BAG3: variants seen among roughly 807,000 people sequenced by gnomAD.
The protein encoded by BAG3 is BAG cochaperone 3, also known as BAG family molecular chaperone regulator 3.
In BAG3, 14 loss-of-function variants were observed where a neutral mutation model predicts 40.5. That is an observed-to-expected ratio of 0.35 (90% CI 0.23 to 0.54). The LOEUF is 0.54. Among genes scored for constraint, BAG3 ranks in the 20% least tolerant of loss-of-function variants. The pLI, the probability that BAG3 is intolerant of heterozygous loss-of-function variation, is 0.91. For synonymous variants in BAG3, 302 were observed against 307.8 expected, an observed-to-expected ratio of 0.98 and a Z score of 0.20; for missense variants, 788 against 758.6, an observed-to-expected ratio of 1.04 and a Z score of -0.46.
Position 119,651,845 on chromosome 10 carries a change from A to G in BAG3, c.170A>G (p.Glu57Gly). ...TGGAACGACCCGCGCGTGCCCTCTG[A>G]GGGCCCCAAGGTGAGCCGGGCCCGC... is the stretch of plus-strand genomic sequence containing the variant. ...TTWNDPRVPS[E>G]GPKETPSSAN... The change falls in exon 1 of 4, where the codon GAG (glutamate) becomes GGG (glycine). Residue 57 changes from glutamate to glycine, a missense_variant. Physicochemically the swap from Glu to Gly is moderately conservative, Grantham distance 98. Transcript: ENST00000369085. 1.9e-6 allele frequency: 3 copies of G among 1,572,100 alleles called. No homozygotes were observed. Among genetic ancestry groups the G allele is most frequent in the Non-Finnish European group, 2.6e-6 (3 of 1,160,444 alleles).
rs995815991 is a variant in BAG3 at position 119,672,927 on chromosome 10, A to C, written c.909+271A>C. On this transcript the variant is annotated intron_variant, in intron 3 of 3. Coordinates refer to ENST00000369085, the MANE Select transcript of BAG3 (RefSeq NM_004281.4). The surrounding 1 kb of genome is among the most constrained non-coding windows in gnomAD (Gnocchi z 4.8). ...CAGACGAAACAGCTTGGCAGAACTT[A>C]CATACCTGGGACCAGCTTCCTTAGT... is the stretch of plus-strand genomic sequence containing the variant. Among the ~76,000 whole-genome samples, 8 of 152,114 alleles carry C rather than the reference A, an allele frequency of 5.3e-5. No homozygotes were observed. Among genetic ancestry groups the C allele is most frequent in the Non-Finnish European group, 1.2e-4 (8 of 68,008 alleles).
chr10:119,670,048 G>A lies in BAG3; in HGVS notation c.378G>A (p.Ala126=), dbSNP rs753235577. ...QPGMQRFRTE[A]AAAAPQRSQS... is the part of the protein sequence containing the mutation. ...GGATGCAGCGATTCCGAACTGAGGC[G>A]GCAGCAGCGGCTCCTCAGAGGTCCC... The change falls in exon 2 of 4, where the codon GCG becomes GCA. Residue 126 remains alanine (A), a synonymous_variant. Transcript: ENST00000369085. The A allele has an allele frequency of 3.0e-5, 49 of 1,614,084 alleles. No homozygotes were observed. Among genetic ancestry groups the A allele is most frequent in the Middle Eastern group, 1.6e-4 (1 of 6,084 alleles).
At chr10:119,662,053 T>A (rs1264055024) in intron 1 of BAG3, among the ~76,000 whole-genome samples, 14 of 152,012 alleles carry the variant, frequency 9.2e-5, no homozygotes, top group African/African-American at 3.4e-4. Flanking sequence ...TTTTTTGTTT[T>A]GGTTGTTGTT....
In BAG3 at chr10:119,669,920, C is replaced by T. The variant is rs756864793; in HGVS notation, c.250C>T (p.Pro84Ser). ...GCTGCCGCCTGCTAGGGAAGGCCACCCTGTGTACCCCCAGCTCCGACCAGG... is the reference window on the plus strand; with the variant it reads ...GCTGCCGCCTGCTAGGGAAGGCCACTCTGTGTACCCCCAGCTCCGACCAGG... ...SRLPPAREGH[P>S]VYPQLRPGYI... The change falls in exon 2 of 4, where the codon CCT (proline) becomes TCT (serine). Residue 84 changes from proline (P) to serine (S), a missense_variant. Coordinates refer to ENST00000369085, the MANE Select transcript of BAG3 (RefSeq NM_004281.4). 6.2e-7 allele frequency: 1 copy of T among 1,614,250 alleles called. No individual in the cohort carries two copies. Among genetic ancestry groups the T allele is most frequent in the Non-Finnish European group, 8.5e-7 (1 of 1,180,046 alleles).
At chr10:119,669,742 C>G in intron 1 of BAG3, 109 bp from the exon 2 acceptor site, 1 of 1,171,024 alleles carries the variant, frequency 8.5e-7, no homozygotes, top group Non-Finnish European at 1.3e-6. Flanking sequence ...GCTTTGAGGC[C>G]CAAGTCACTC....
Position 119,677,684 on chromosome 10 carries a change from TTTC to T in BAG3, c.*406_*408del. The stretch of plus-strand genomic sequence containing the variant: ...AATGTTGCCATTTTAATGAGATGAT[TTTC>T]TTCATCTCATAATTAAAATACCTGA... On this transcript the variant is annotated 3_prime_UTR_variant, in exon 4 of 4. Transcript: ENST00000369085. 1 of 243,956 alleles carries T rather than the reference TTTC, an allele frequency of 4.1e-6. No homozygotes were observed. Among genetic ancestry groups the T allele is most frequent in the East Asian group, 9.1e-5 (1 of 10,946 alleles). 15.1% of individuals were successfully genotyped at this position (243,956 alleles called of 1,614,324 possible).
chr10:119,662,564 C>A lies in BAG3; in HGVS notation c.181-7287C>A, dbSNP rs564065985. Among the ~76,000 whole-genome samples the A allele has an allele frequency of 5.3e-5, 8 of 152,152 alleles. No individual in the cohort carries two copies. The South Asian group carries it at 1.7e-3, about 32-fold the overall frequency. Reference sequence around the variant, plus strand: ...GTGAAGGCTCTTCTGGCCTAAAAACCCAGTTAATACAGTCTGTGTCCTACT... The same window carrying A: ...GTGAAGGCTCTTCTGGCCTAAAAACACAGTTAATACAGTCTGTGTCCTACT... On this transcript the variant is annotated intron_variant, in intron 1 of 3. Transcript: ENST00000369085.
chr10:119,668,659 G>T (rs7896048), intron 1 of BAG3, among the ~76,000 whole-genome samples: 3,055 of 152,278 alleles, frequency 0.02, 111 homozygotes, highest in African/African-American at 0.068. Context: ...GGTACATCTG[G>T]AACTTGGCCT....
intron 1 of BAG3, among the ~76,000 whole-genome samples, chr10:119,658,843 G>A (rs1846952928): frequency 6.6e-6 from 1 of 152,150 alleles, no homozygotes; most frequent in Non-Finnish European, 1.5e-5. Context: ...TGTGGGAGGC[G>A]AACGTCCCAA....
intron 1 of BAG3, among the ~76,000 whole-genome samples, chr10:119,653,165 C>T (rs1158416089): frequency 6.6e-6 from 1 of 152,216 alleles, no homozygotes; most frequent in Non-Finnish European, 1.5e-5. Context: ...AGACCGTGTA[C>T]AGGCAGCAGT....
At chr10:119,674,867 C>T (rs966476312) in intron 3 of BAG3, among the ~76,000 whole-genome samples, 2 of 151,796 alleles carry the variant, frequency 1.3e-5, no homozygotes, top group Non-Finnish European at 2.9e-5. Context: ...CCCAGCTACT[C>T]GGGAGGCTGG....
intron 3 of BAG3, among the ~76,000 whole-genome samples, chr10:119,675,097 C>T (rs1024675513): frequency 2.0e-5 from 3 of 152,104 alleles, no homozygotes; most frequent in Non-Finnish European, 2.9e-5. Flanking sequence ...TTTGGGAGGC[C>T]GAGGTGGGCA....
chr10:119,673,993 G>A (rs1202099896), intron 3 of BAG3, among the ~76,000 whole-genome samples: 1 of 152,158 alleles, frequency 6.6e-6, no homozygotes, highest in East Asian at 1.9e-4. Context: ...TTATTATCCA[G>A]TACATTTTTG....
chr10:119,656,030 A>G (rs917204216), intron 1 of BAG3, among the ~76,000 whole-genome samples: 3 of 152,196 alleles, frequency 2.0e-5, no homozygotes, highest in South Asian at 2.1e-4. Flanking sequence ...GTCACCTTAT[A>G]TAAACCACTC....
chr10:119,675,816 GCTTCCTTCCCCCTTCCCCCT>G (rs2134067703), intron 3 of BAG3, among the ~76,000 whole-genome samples: 1 of 28,416 alleles, frequency 3.5e-5, no homozygotes, highest in Non-Finnish European at 6.5e-5. Context: ...CCCCTTCCCT[GCTTCCTTCCCCCTTCCCCCT>G]TCCCTCCTTC....
rs138078305 is a variant in BAG3, at chr10:119,672,392, C to A, written c.645C>A (p.Asn215Lys). ...YISIPVIHEQNVTRPAAQPSF... is the reference protein window; with the variant it reads ...YISIPVIHEQKVTRPAAQPSF... ...CCATTCCGGTGATACACGAGCAGAA[C>A]GTTACCCGGCCAGCAGCCCAGCCCT... The change falls in exon 3 of 4, where the codon AAC becomes AAA. Residue 215 changes from asparagine (N) to lysine (K), a missense_variant. Asn to Lys is a moderately conservative substitution (Grantham distance 94, BLOSUM62 0). Transcript: ENST00000369085. This position sits in a 1 kb window ranked among gnomAD's most constrained non-coding sequence, Gnocchi z 4.8. 4.3e-6 allele frequency: 7 copies of A among 1,614,154 alleles called. No homozygotes were observed. The South Asian group carries it at 7.7e-5, about 18-fold the overall frequency.
rs933568303 is a variant in BAG3 at position 119,677,009 on chromosome 10, G to A, written c.1455G>A (p.Arg485=). The A allele has an allele frequency of 6.2e-7, 1 of 1,614,190 alleles. No homozygotes were observed. Among genetic ancestry groups the A allele is most frequent in the Non-Finnish European group, 8.5e-7 (1 of 1,180,026 alleles). The change falls in exon 4 of 4, where the codon AGG becomes AGA. Residue 485 remains arginine (R), a synonymous_variant. Transcript: ENST00000369085. ...DVRQARRDGV[R]KVQTILEKLE... ...GTCAGGCCAGGAGAGACGGTGTCAG[G>A]AAGGTTCAGACCATCTTGGAAAAAC...
chr10:119,651,866 C>T lies in BAG3; in HGVS notation c.180+11C>T. ...TCTGAGGGCCCCAAGGTGAGCCGGGCCCGCGGCCCGCCCTGGTCGGTGGCG... is the reference window on the plus strand; with the variant it reads ...TCTGAGGGCCCCAAGGTGAGCCGGGTCCGCGGCCCGCCCTGGTCGGTGGCG... On this transcript the variant is annotated intron_variant, in intron 1 of 3. Transcript: ENST00000369085. 2 of 1,545,556 alleles carry T rather than the reference C, an allele frequency of 1.3e-6. No homozygotes were observed. Among genetic ancestry groups the T allele is most frequent in the Non-Finnish European group, 8.7e-7 (1 of 1,146,694 alleles).
chr10:119,677,438 G>A lies in BAG3; in HGVS notation c.*156G>A, dbSNP rs576365580. 1 of 858,808 alleles carries A rather than the reference G, an allele frequency of 1.2e-6. No homozygotes were observed. The highest frequency in any genetic ancestry group is 1.9e-6 in the Non-Finnish European group (1 of 528,484). The allele number at this position is 858,808 out of a possible 1,614,324, so 53.2% of individuals were successfully genotyped here. On this transcript the variant is annotated 3_prime_UTR_variant, in exon 4 of 4. Transcript: ENST00000369085. ...AAAACACTAATAAAAGGGCTAAAAA[G>A]GAAAATGATGCTTTTCTTCTATATT...
Sources: allele counts gnomAD v4.1 joint callset (sites outside exome capture counted in the v4.1 genomes callset), GRCh38; gene constraint gnomAD v4.1.1; non-coding constraint Gnocchi (gnomAD v3.1); transcripts MANE v1.5; gene names NCBI Gene and HGNC (gene_info 2026-07-23, HGNC 2026-07-21).